MYT1: variants seen among roughly 807,000 people sequenced by gnomAD.
MYT1 encodes myelin transcription factor 1.
A neutral mutation model predicts 123.0 loss-of-function variants in MYT1; 23 were observed. The ratio of observed to expected loss-of-function variants is 0.19; its 90% CI spans 0.13 to 0.26. The LOEUF is 0.26. Ranked by LOEUF, MYT1 falls within the 10% of genes least tolerant of loss-of-function variation. The pLI, the probability that MYT1 is intolerant of heterozygous loss-of-function variation, is 1.00. For synonymous variants in MYT1, 518 were observed against 575.3 expected (o/e 0.90, Z 1.43); for missense variants, 1,125 against 1,472.5 (o/e 0.76, Z 3.86).
At position 64,231,833 on chromosome 20, in the gene MYT1, G is replaced by A. The variant is rs1248249169; in HGVS notation, c.2676-331G>A. Among the ~76,000 whole-genome samples the A allele has an allele frequency of 2.0e-5, 3 of 152,222 alleles. No homozygotes were observed. The highest frequency in any genetic ancestry group is 2.0e-4 in the Admixed American group (3 of 15,290). On this transcript the variant is annotated intron_variant, in intron 18 of 22. Transcript: ENST00000328439. The surrounding 1 kb of genome is among the most constrained non-coding windows in gnomAD (Gnocchi z 6.4). The stretch of plus-strand genomic sequence containing the variant: ...GCTGAGTGACACACAAGTGACTCCA[G>A]CAGCAAGGCTTGGAGGGAACCTGAG...
chr20:64,177,748 G>C (rs775705583), intron 1 of MYT1, among the ~76,000 whole-genome samples: 1 of 151,664 alleles, frequency 6.6e-6, no homozygotes, highest in African/African-American at 2.4e-5. Context: ...AAATGTGGGG[G>C]GTCCTGTGTG....
intron 19 of MYT1, among the ~76,000 whole-genome samples, chr20:64,235,931 C>CGGTGGGTGACCCTGGGCTGGACGT (rs1568722882): frequency 4.5e-5 from 1 of 22,268 alleles, no homozygotes; most frequent in African/African-American, 1.7e-4. Context: ...GGGCTGGCCG[C>CGGTGGGTGACCCTGGGCTGGACGT]GGTGGGTGAC....
At chr20:64,235,953 C>G (rs1338119345) in intron 19 of MYT1, among the ~76,000 whole-genome samples, 3 of 117,894 alleles carry the variant, frequency 2.5e-5, no homozygotes, top group Non-Finnish European at 5.2e-5. Context: ...CTGGGCTGGA[C>G]GTGGTGGGTG....
Position 64,217,209 on chromosome 20 carries a change from G to A in MYT1, c.1774G>A (p.Ala592Thr), listed in dbSNP as rs1225415753. The A allele has an allele frequency of 6.2e-7, 1 of 1,614,278 alleles. No individual in the cohort carries two copies. Among genetic ancestry groups the A allele is most frequent in the Non-Finnish European group, 8.5e-7 (1 of 1,180,058 alleles). The change falls in exon 11 of 23, where the codon GCT becomes ACT. Residue 592 changes from alanine (A) to threonine (T), a missense_variant. Coordinates refer to ENST00000328439, the MANE Select transcript of MYT1 (RefSeq NM_004535.3). ...KVTFDYASFD[A>T]QVFGKRMLAP... ...CACCTTTGACTACGCAAGTTTCGAT[G>A]CTCAGGTTTTTGGCAAACGCATGCT...
intron 1 of MYT1, among the ~76,000 whole-genome samples, chr20:64,187,471 C>G (rs1441073513): frequency 2.4e-4 from 30 of 127,448 alleles, no homozygotes; most frequent in East Asian, 4.8e-4. Flanking sequence ...TCCGTGGAGA[C>G]TTTTCCTGTA....
chr20:64,211,959 C>A, intron 8 of MYT1, 89 bp from the exon 9 acceptor site: 3 of 1,105,170 alleles, frequency 2.7e-6, no homozygotes, highest in Non-Finnish European at 4.1e-6. Context: ...AAGGCTCCTG[C>A]ACCCTCCTCA....
chr20:64,180,194 A>G (rs949962124), intron 1 of MYT1, among the ~76,000 whole-genome samples: 1 of 152,032 alleles, frequency 6.6e-6, no homozygotes, highest in Non-Finnish European at 1.5e-5. Flanking sequence ...ATACAGTTAT[A>G]CACACATGCT....
At chr20:64,184,171 A>G (rs1982732972) in intron 1 of MYT1, among the ~76,000 whole-genome samples, 1 of 152,044 alleles carries the variant, frequency 6.6e-6, no homozygotes, top group South Asian at 2.1e-4. Context: ...AGTCCAATAT[A>G]TTACTTTTTT....
At chr20:64,227,842 T>A (rs1984213355) in intron 17 of MYT1, 46 bp from the exon 18 acceptor site, 1 of 1,543,512 alleles carries the variant, frequency 6.5e-7, no homozygotes, top group Non-Finnish European at 8.9e-7. Context: ...TGTGAGAAGC[T>A]GCGGTTCCAG....
chr20:64,192,604 C>T lies in MYT1; in HGVS notation c.-1+2444C>T, dbSNP rs1013290622. ...ACCAGGCATGTGGACAGCTCAGGAC[C>T]GGTTGGAAGGGGCTGCCAGAAGTCA... On this transcript the variant is annotated intron_variant, in intron 2 of 22. Coordinates refer to ENST00000328439, the MANE Select transcript of MYT1 (RefSeq NM_004535.3). The surrounding 1 kb of genome is among the most constrained non-coding windows in gnomAD (Gnocchi z 5.3). Among the ~76,000 whole-genome samples, 8 of 152,202 alleles carry T rather than the reference C, an allele frequency of 5.3e-5. No individual in the cohort carries two copies. The highest frequency in any genetic ancestry group is 1.9e-4 in the East Asian group (1 of 5,196).
At chr20:64,235,570 A>G (rs1290865624) in intron 19 of MYT1, among the ~76,000 whole-genome samples, 3 of 122,110 alleles carry the variant, frequency 2.5e-5, no homozygotes, top group South Asian at 3.0e-4. Context: ...CGGGATGGTC[A>G]TGGTGTGTGA....
chr20:64,227,395 AG>A lies in MYT1; in HGVS notation c.2529-19del. On this transcript the variant is annotated intron_variant, in intron 16 of 22. Coordinates refer to ENST00000328439, the MANE Select transcript of MYT1 (RefSeq NM_004535.3). ...AAACGCCTTCACGGGCTCCCGTTCC[AG>A]TTCTGCTTCCCTCTGCAGGTGCCCC... The A allele has an allele frequency of 6.2e-7, 1 of 1,611,832 alleles. No homozygotes were observed. Among genetic ancestry groups the A allele is most frequent in the Non-Finnish European group, 8.5e-7 (1 of 1,179,172 alleles).
Position 64,193,867 on chromosome 20 carries a change from G to C in MYT1, c.-1+3707G>C, listed in dbSNP as rs1394342804. On this transcript the variant is annotated intron_variant, in intron 2 of 22. Transcript: ENST00000328439. The surrounding 1 kb of genome is among the most constrained non-coding windows in gnomAD (Gnocchi z 4.0). ...GTTGTAAGTCCATTCTAATTCTCCA[G>C]ATTTGCTGGCTGTCAGAACACATTT... 6.6e-6 allele frequency among the ~76,000 whole-genome samples: 1 copy of C among 152,000 alleles called. No individual in the cohort carries two copies. Among genetic ancestry groups the C allele is most frequent in the Non-Finnish European group, 1.5e-5 (1 of 68,026 alleles).
chr20:64,185,849 G>A lies in MYT1; in HGVS notation c.-98-4214G>A, dbSNP rs979316393. ...ACAAGGGGGCTCTCCTTGCCATGAC[G>A]ACAGAAGGAAACCTTGGGGTAGGCC... On this transcript the variant is annotated intron_variant, in intron 1 of 22. Transcript: ENST00000328439. This position sits in a 1 kb window ranked among gnomAD's most constrained non-coding sequence, Gnocchi z 4.5. 1.3e-5 allele frequency among the ~76,000 whole-genome samples: 2 copies of A among 152,206 alleles called. No homozygotes were observed. The highest frequency in any genetic ancestry group is 2.9e-5 in the Non-Finnish European group (2 of 68,028).
rs1019668757 is a variant in MYT1 at position 64,203,841 on chromosome 20, C to T, written c.87-1194C>T. On this transcript the variant is annotated intron_variant, in intron 4 of 22. Transcript: ENST00000328439. The surrounding 1 kb of genome is among the most constrained non-coding windows in gnomAD (Gnocchi z 5.1). ...AGACTGGGGATGGCGTTCTTTTCCC[C>T]GGGTCCCAGGTATGGGGGCACCAGC... is the stretch of plus-strand genomic sequence containing the variant. Among the ~76,000 whole-genome samples, 5 of 152,218 alleles carry T rather than the reference C, an allele frequency of 3.3e-5. No individual in the cohort carries two copies. The highest frequency in any genetic ancestry group is 1.9e-4 in the East Asian group (1 of 5,192).
chr20:64,239,123 C>G (rs1984638163), intron 21 of MYT1, among the ~76,000 whole-genome samples: 1 of 152,242 alleles, frequency 6.6e-6, no homozygotes, highest in South Asian at 2.1e-4. Context: ...GGGGCTATTC[C>G]TGGACACCAA....
chr20:64,182,144 G>A (rs2145697509), intron 1 of MYT1, among the ~76,000 whole-genome samples: 1 of 152,328 alleles, frequency 6.6e-6, no homozygotes, highest in East Asian at 1.9e-4. Flanking sequence ...GAGAGGAGAA[G>A]CAGGAAAAAA....
chr20:64,183,657 A>G (rs1337096476), intron 1 of MYT1, among the ~76,000 whole-genome samples: 1 of 152,138 alleles, frequency 6.6e-6, no homozygotes, highest in Admixed American at 6.5e-5. Flanking sequence ...TTATCTTTGG[A>G]GAAATGTCTG....
intron 1 of MYT1, among the ~76,000 whole-genome samples, chr20:64,171,920 C>T (rs1286662824): frequency 6.6e-6 from 1 of 152,144 alleles, no homozygotes; most frequent in Non-Finnish European, 1.5e-5. Flanking sequence ...GGAACCCAAA[C>T]CCACTTCAAT....
Sources: allele counts gnomAD v4.1 joint callset (sites outside exome capture counted in the v4.1 genomes callset), GRCh38; gene constraint gnomAD v4.1.1; non-coding constraint Gnocchi (gnomAD v3.1); transcripts MANE v1.5; gene names NCBI Gene and HGNC (gene_info 2026-07-23, HGNC 2026-07-21).